PIEZO2: variants seen among roughly 807,000 people sequenced by gnomAD.
The protein encoded by PIEZO2 is piezo type mechanosensitive ion channel component 2.
PIEZO2 carries 172 observed loss-of-function variants against 337.3 expected under a neutral mutation model. The observed-to-expected ratio is 0.51, with a 90% CI of 0.45 to 0.58. The LOEUF (loss-of-function observed/expected upper bound fraction) is 0.58. PIEZO2 is among the 20% of genes least tolerant of loss of function. The probability of loss-of-function intolerance (pLI) is 0.00; values close to 1 mark genes in which losing one functional copy is unlikely to be tolerated. For missense variants in PIEZO2, 3,028 were observed against 3,391.3 expected (o/e 0.89, Z 2.66); for synonymous variants, 1,251 against 1,228.5 (o/e 1.02, Z -0.38).
chr18:10,710,380 G>A (rs953855557), intron 39 of PIEZO2, among the ~76,000 whole-genome samples: 6 of 152,232 alleles, frequency 3.9e-5, no homozygotes, highest in East Asian at 1.9e-4. Context: ...CCTGCCTGAC[G>A]GGCCCCCCCA....
rs939470422 is a variant in PIEZO2, at chr18:11,092,183, C to T, written c.65-25961G>A. ...ATGGAGCATAATTCTCGTCCAAGATCGAGAACACATCATTAGAAGCACTAT... is the reference window on the plus strand; with the variant it reads ...ATGGAGCATAATTCTCGTCCAAGATTGAGAACACATCATTAGAAGCACTAT... On this transcript the variant is annotated intron_variant, in intron 1 of 55. Coordinates refer to ENST00000674853, the MANE Select transcript of PIEZO2 (RefSeq NM_001378183.1). The surrounding 1 kb of genome is among the most constrained non-coding windows in gnomAD (Gnocchi z 4.5). Among the ~76,000 whole-genome samples the T allele has an allele frequency of 5.3e-5, 8 of 152,076 alleles. No homozygotes were observed. Among genetic ancestry groups the T allele is most frequent in the African/African-American group, 1.7e-4 (7 of 41,410 alleles).
chr18:10,738,806 T>C (rs2037110672), intron 33 of PIEZO2: 1 of 152,210 alleles, frequency 6.6e-6, no homozygotes. Flanking sequence ...ACTGAACCAA[T>C]ATTGAAACAT....
intron 2 of PIEZO2, among the ~76,000 whole-genome samples, chr18:11,043,423 G>T (rs1179190267): frequency 2.0e-5 from 3 of 152,158 alleles, no homozygotes; most frequent in African/African-American, 7.2e-5. Flanking sequence ...ATTACTTGTT[G>T]TATGTCTGAA....
At chr18:10,914,500 A>G (rs779034263) in intron 3 of PIEZO2, among the ~76,000 whole-genome samples, 50 of 152,276 alleles carry the variant, frequency 3.3e-4, no homozygotes, top group Admixed American at 9.8e-4. Flanking sequence ...TAATTATAAT[A>G]CCTAGTAATA....
Position 10,670,455 on chromosome 18 carries a change from G to C in PIEZO2, c.*1072C>G, listed in dbSNP as rs1276787310. ...TACCAATAATAATAATTTAAGAAAA[G>C]GCCATTTTTATTTCCCCAAGCTCAA... On this transcript the variant is annotated 3_prime_UTR_variant, in exon 56 of 56. Coordinates refer to ENST00000674853, the MANE Select transcript of PIEZO2 (RefSeq NM_001378183.1). 3 of 152,062 alleles carry C rather than the reference G, an allele frequency of 2.0e-5. No individual in the cohort carries two copies. The highest frequency in any genetic ancestry group is 4.8e-5 in the African/African-American group (2 of 41,382). 9.4% of individuals were successfully genotyped at this position (152,062 alleles called of 1,614,324 possible).
intron 3 of PIEZO2, among the ~76,000 whole-genome samples, chr18:10,974,171 G>C (rs925960580): frequency 6.6e-6 from 1 of 152,182 alleles, no homozygotes. Context: ...CAGTCTTCTT[G>C]TCGTAGGCCG....
intron 7 of PIEZO2, among the ~76,000 whole-genome samples, chr18:10,818,603 AC>A (rs760246832): frequency 2.6e-5 from 4 of 152,226 alleles, no homozygotes; most frequent in African/African-American, 4.8e-5. Context: ...AGAATTGCAT[AC>A]TGAGAATTTG....
chr18:10,778,852 C>T (rs1185917643), intron 18 of PIEZO2, among the ~76,000 whole-genome samples: 2 of 152,154 alleles, frequency 1.3e-5, no homozygotes, highest in African/African-American at 2.4e-5. Flanking sequence ...AAAAGTCATA[C>T]GAGTTGCTGC....
At position 11,078,442 on chromosome 18, in the gene PIEZO2, C is replaced by T. The variant is rs1164693035; in HGVS notation, c.65-12220G>A. Among the ~76,000 whole-genome samples the T allele has an allele frequency of 6.6e-6, 1 of 152,172 alleles. No homozygotes were observed. The highest frequency in any genetic ancestry group is 1.5e-5 in the Non-Finnish European group (1 of 68,044). Reference sequence around the variant, plus strand: ...CTTCTATCTCCAGCACATGATGCGACCCAACATTACATCTTAACAACTAAT... The same window carrying T: ...CTTCTATCTCCAGCACATGATGCGATCCAACATTACATCTTAACAACTAAT... On this transcript the variant is annotated intron_variant, in intron 1 of 55. Coordinates refer to ENST00000674853, the MANE Select transcript of PIEZO2 (RefSeq NM_001378183.1). This position sits in a 1 kb window ranked among gnomAD's most constrained non-coding sequence, Gnocchi z 5.3.
Position 11,109,489 on chromosome 18 carries a change from G to A in PIEZO2, c.64+39036C>T, listed in dbSNP as rs1481967669. On this transcript the variant is annotated intron_variant, in intron 1 of 55. Transcript: ENST00000674853. The surrounding 1 kb of genome is among the most constrained non-coding windows in gnomAD (Gnocchi z 5.1). ...CCAGCACTTTGGGAGGCCGAGGTGG[G>A]TGGATCACTTGAGGTCAGGGGTTTG... 2.0e-5 allele frequency among the ~76,000 whole-genome samples: 3 copies of A among 152,172 alleles called. No homozygotes were observed. The South Asian group carries it at 6.2e-4, about 32-fold the overall frequency.
At chr18:10,790,047 C>T (rs1225132905) in intron 14 of PIEZO2, among the ~76,000 whole-genome samples, 1 of 152,142 alleles carries the variant, frequency 6.6e-6, no homozygotes, top group Non-Finnish European at 1.5e-5. Context: ...AGTAGATTCA[C>T]AGTGAGAAGA....
Position 10,682,157 on chromosome 18 carries a change from C to T in PIEZO2, c.7633G>A (p.Val2545Ile), listed in dbSNP as rs1321379940. 1.2e-5 allele frequency: 19 copies of T among 1,537,150 alleles called. No individual in the cohort carries two copies. The South Asian group carries it at 1.8e-4, about 14-fold the overall frequency. ...GAGACGTCCAGGGGCTGGTTGATGACCCCAGCCACAGATTTGATCAAAGAC... is the reference window on the plus strand; with the variant it reads ...GAGACGTCCAGGGGCTGGTTGATGATCCCAGCCACAGATTTGATCAAAGAC... ...FMSLIKSVAG[V>I]INQPLDVSVT... is the part of the protein sequence containing the mutation. The change falls in exon 50 of 56, where the codon GTC becomes ATC. Residue 2545 changes from valine (V) to isoleucine (I), a missense_variant. By Grantham distance (29) the Val-to-Ile change is conservative. This residue lies in a region of PIEZO2 where 179 missense variants were observed against 281.8 expected (regional missense o/e 0.64). Transcript: ENST00000674853. This position sits in a 1 kb window ranked among gnomAD's most constrained non-coding sequence, Gnocchi z 5.6.
At chr18:10,705,283 T>C in intron 41 of PIEZO2, 53 bp downstream of exon 41, 1 of 1,457,286 alleles carries the variant, frequency 6.9e-7, no homozygotes, top group East Asian at 2.5e-5. Flanking sequence ...TAGGGCATTA[T>C]GTTTAAGTGG....
Position 10,677,045 on chromosome 18 carries a change from G to C in PIEZO2, c.8081+702C>G, listed in dbSNP as rs961696385. On this transcript the variant is annotated intron_variant, in intron 53 of 55. Coordinates refer to ENST00000674853, the MANE Select transcript of PIEZO2 (RefSeq NM_001378183.1). This position sits in a 1 kb window ranked among gnomAD's most constrained non-coding sequence, Gnocchi z 4.1. ...GAATCAGCATGATGATTTCTAGTGT[G>C]CCCCAAAATGGGTCCCAATAGCTGA... Among the ~76,000 whole-genome samples, 3 of 152,112 alleles carry C rather than the reference G, an allele frequency of 2.0e-5. No individual in the cohort carries two copies. Among genetic ancestry groups the C allele is most frequent in the Non-Finnish European group, 4.4e-5 (3 of 68,028 alleles).
chr18:10,966,301 C>G (rs2033996044), intron 3 of PIEZO2, among the ~76,000 whole-genome samples: 1 of 152,140 alleles, frequency 6.6e-6, no homozygotes, highest in Non-Finnish European at 1.5e-5. Context: ...ATCTCCCCAC[C>G]ATCTTCAGTT....
chr18:10,831,818 T>C (rs1395651594), intron 7 of PIEZO2, among the ~76,000 whole-genome samples: 1 of 152,124 alleles, frequency 6.6e-6, no homozygotes, highest in Non-Finnish European at 1.5e-5. Flanking sequence ...GAAAAAAATG[T>C]TTAAATGACA....
intron 4 of PIEZO2, among the ~76,000 whole-genome samples, chr18:10,893,955 C>T (rs1267509340): frequency 1.3e-5 from 2 of 152,116 alleles, no homozygotes; most frequent in Non-Finnish European, 2.9e-5. Context: ...GAGAGGATTG[C>T]CCCCACCCGC....
intron 1 of PIEZO2, among the ~76,000 whole-genome samples, chr18:11,079,984 T>C (rs1598927322): frequency 1.3e-5 from 2 of 152,136 alleles, no homozygotes; most frequent in South Asian, 4.1e-4. Flanking sequence ...ACCTATTAGG[T>C]AGATACGGTC....
chr18:10,986,003 T>A (rs202187432), intron 2 of PIEZO2, among the ~76,000 whole-genome samples: 2 of 151,934 alleles, frequency 1.3e-5, no homozygotes, highest in Non-Finnish European at 2.9e-5. Context: ...TGGACACACA[T>A]AGGCTGAAAA....
Sources: allele counts gnomAD v4.1 joint callset (sites outside exome capture counted in the v4.1 genomes callset), GRCh38; gene constraint gnomAD v4.1.1; regional missense constraint gnomAD v4.1.1; non-coding constraint Gnocchi (gnomAD v3.1); transcripts MANE v1.5; gene names NCBI Gene and HGNC (gene_info 2026-07-23, HGNC 2026-07-21).